Variants in REV3L observed in about 807,000 individuals in gnomAD.
REV3L encodes DNA polymerase zeta catalytic subunit.
REV3L carries 69 observed loss-of-function variants against 299.4 expected under a neutral mutation model. That is an observed-to-expected ratio of 0.23 (90% CI 0.19 to 0.28). The LOEUF is 0.28. Among genes scored for constraint, REV3L ranks in the 10% least tolerant of loss-of-function variants. The pLI is 1.00. For missense variants in REV3L, 3,128 were observed against 3,693.8 expected (o/e 0.85, Z 3.97); for synonymous variants, 1,238 against 1,271.4 (o/e 0.97, Z 0.56).
rs17539763 is a variant in REV3L, at chr6:111,364,671, T to C, written c.6753+594A>G. Among the ~76,000 whole-genome samples the C allele has an allele frequency of 6.4e-3, 967 of 152,040 alleles. 14 individuals carry two copies. Among genetic ancestry groups the C allele is most frequent in the African/African-American group, 0.022 (913 of 41,558 alleles). ...TGTAGTTAATGACATTTATAAGAAG[T>C]GGCCAATATATAAGTGATTTCTAGC... On this transcript the variant is annotated intron_variant, in intron 15 of 31. Coordinates refer to ENST00000368802, the MANE Select transcript of REV3L (RefSeq NM_001372078.1).
At chr6:111,343,438 T>C (rs1023421984) in intron 21 of REV3L, among the ~76,000 whole-genome samples, 12 of 152,238 alleles carry the variant, frequency 7.9e-5, no homozygotes, top group African/African-American at 2.9e-4. Flanking sequence ...GAAGGGAATC[T>C]TCTGGGTGTG....
intron 4 of REV3L, 21 bp downstream of exon 4, chr6:111,405,449 T>A: frequency 6.4e-7 from 1 of 1,569,454 alleles, no homozygotes; most frequent in African/African-American, 1.4e-5. Context: ...AAAATTTAAT[T>A]TGACTGAAAA....
chr6:111,468,078 A>C (rs1583104994), intron 1 of REV3L, among the ~76,000 whole-genome samples: 1 of 152,332 alleles, frequency 6.6e-6, no homozygotes, highest in Non-Finnish European at 1.5e-5. Flanking sequence ...CCCGGTCAAA[A>C]CGACTGATGT....
In REV3L at chr6:111,482,727, C is replaced by T. The variant is rs769797103; in HGVS notation, c.139+23G>A. Reference sequence around the variant, plus strand: ...GGCGCCCCGCCGACTCCCGCTCCCGCCCCGCGCCCGGCGCCCGCTTACCTG... The same window carrying T: ...GGCGCCCCGCCGACTCCCGCTCCCGTCCCGCGCCCGGCGCCCGCTTACCTG... On this transcript the variant is annotated intron_variant, in intron 1 of 31. Coordinates refer to ENST00000368802, the MANE Select transcript of REV3L (RefSeq NM_001372078.1). The T allele has an allele frequency of 1.5e-4, 199 of 1,322,836 alleles. No individual in the cohort carries two copies. In the Middle Eastern group the frequency reaches 1.6e-3, roughly 11 times the overall value. The allele number at this position is 1,322,836 out of a possible 1,614,324, so 81.9% of individuals were successfully genotyped here.
At position 111,359,055 on chromosome 6, in the gene REV3L, T is replaced by C. The variant is rs758905131; in HGVS notation, c.6880-41A>G. ...AATACTATGTTTTTAAAACATTTTT[T>C]AAAGACATGCTCAAAGAAGTATGTA... On this transcript the variant is annotated intron_variant, in intron 16 of 31. Transcript: ENST00000368802. 5.3e-6 allele frequency: 8 copies of C among 1,522,554 alleles called. No individual in the cohort carries two copies. In the South Asian group the frequency reaches 8.5e-5, roughly 16 times the overall value. The allele number at this position is 1,522,554 out of a possible 1,614,324, so 94.3% of individuals were successfully genotyped here.
chr6:111,412,782 C>A (rs76801710), intron 2 of REV3L, among the ~76,000 whole-genome samples: 1,454 of 135,202 alleles, frequency 0.011, 23 homozygotes, highest in African/African-American at 0.033. Flanking sequence ...AAAAAAAAAA[C>A]AACTATTTAC....
chr6:111,375,404 A>T lies in REV3L; in HGVS notation c.2951T>A (p.Phe984Tyr). ...CACAAGCATATTTTTTCTCCCTCTA[A>T]ATCTATTAATAATAATATACTTTAT... Reference protein sequence around the residue: ...VIIKYIIINRFRGRKNMLVKL... With the variant: ...VIIKYIIINRYRGRKNMLVKL... Residue 984 changes from phenylalanine to tyrosine, a missense_variant, in exon 13 of 32, where the codon TTT becomes TAT. Physicochemically the swap from Phe to Tyr is conservative, Grantham distance 22. Transcript: ENST00000368802. 1 of 1,596,758 alleles carries T rather than the reference A, an allele frequency of 6.3e-7. No individual in the cohort carries two copies. The highest frequency in any genetic ancestry group is 8.5e-7 in the Non-Finnish European group (1 of 1,174,704).
chr6:111,382,356 CT>C (rs1339920348), intron 9 of REV3L, among the ~76,000 whole-genome samples: 1 of 152,208 alleles, frequency 6.6e-6, no homozygotes, highest in Non-Finnish European at 1.5e-5. Context: ...CCTCCCATCT[CT>C]CAGGCAGTGG....
intron 25 of REV3L, among the ~76,000 whole-genome samples, chr6:111,325,988 T>G (rs1333254021): frequency 6.6e-6 from 1 of 150,758 alleles, no homozygotes; most frequent in Non-Finnish European, 1.5e-5. Flanking sequence ...TCCTTTATTT[T>G]TTTTAGTTTC....
At chr6:111,435,504 A>G (rs1399721398) in intron 1 of REV3L, among the ~76,000 whole-genome samples, 2 of 152,222 alleles carry the variant, frequency 1.3e-5, no homozygotes, top group African/African-American at 4.8e-5. Context: ...ATATAAATCC[A>G]GACATTAACA....
chr6:111,366,372 A>G (rs1779212832), intron 14 of REV3L, among the ~76,000 whole-genome samples: 1 of 152,186 alleles, frequency 6.6e-6, no homozygotes, highest in Non-Finnish European at 1.5e-5. Context: ...ATCTGTAGTA[A>G]TCCTGTAGAC....
chr6:111,315,529 G>C (rs1773426262), intron 26 of REV3L, 148 bp from the exon 27 acceptor site: 4 of 607,152 alleles, frequency 6.6e-6, no homozygotes, highest in Non-Finnish European at 8.7e-6. Flanking sequence ...TTCTATGTAA[G>C]CTCTCCTGTT....
At chr6:111,366,160 G>A (rs1779177585) in intron 14 of REV3L, among the ~76,000 whole-genome samples, 1 of 152,156 alleles carries the variant, frequency 6.6e-6, no homozygotes, top group African/African-American at 2.4e-5. Flanking sequence ...AAGGCCAGAT[G>A]GGTTTTTATG....
At chr6:111,335,823 A>T (rs1775837301) in intron 21 of REV3L, among the ~76,000 whole-genome samples, 1 of 152,212 alleles carries the variant, frequency 6.6e-6, no homozygotes. Flanking sequence ...GATACACAAA[A>T]TTTAAAATAG....
intron 3 of REV3L, among the ~76,000 whole-genome samples, chr6:111,407,214 T>C (rs574994268): frequency 5.3e-5 from 8 of 152,322 alleles, no homozygotes; most frequent in African/African-American, 1.9e-4. Flanking sequence ...TGGTTTGATA[T>C]ATTGTTTAGA....
chr6:111,356,651 G>C (rs1216376286), intron 18 of REV3L: 1 of 153,530 alleles, frequency 6.5e-6, no homozygotes, highest in Non-Finnish European at 1.4e-5. Flanking sequence ...TGGCTCCCAA[G>C]GTAGAAACCT....
At position 111,397,139 on chromosome 6, in the gene REV3L, A is replaced by G. The variant is rs888417196; in HGVS notation, c.566-4167T>C. ...GTTTAGTTCTACTCTGATCTTTATT[A>G]TTTCTTTTCTTCTTCTAATTTTGGC... is the stretch of plus-strand genomic sequence containing the variant. On this transcript the variant is annotated intron_variant, in intron 4 of 31. Transcript: ENST00000368802. 2.1e-5 allele frequency among the ~76,000 whole-genome samples: 3 copies of G among 143,008 alleles called. No homozygotes were observed. In the East Asian group the frequency reaches 6.2e-4, roughly 30 times the overall value. The allele number at this position is 143,008 out of a possible 152,430, so 93.8% of individuals were successfully genotyped here. A position where few individuals can be genotyped will look rare whatever the true frequency, so the allele number is the denominator to read the frequency against.
intron 1 of REV3L, among the ~76,000 whole-genome samples, chr6:111,446,371 C>G (rs922958969): frequency 1.3e-5 from 2 of 152,042 alleles, no homozygotes; most frequent in East Asian, 3.9e-4. Flanking sequence ...TAGGAACATC[C>G]CAACAAACTG....
At chr6:111,421,105 G>T (rs1785298609) in intron 1 of REV3L, among the ~76,000 whole-genome samples, 1 of 152,118 alleles carries the variant, frequency 6.6e-6, no homozygotes, top group East Asian at 1.9e-4. Flanking sequence ...TCCAGCCTGG[G>T]AGACAGAGCG....
Sources: gnomAD v4.1 joint callset for allele counts (sites outside exome capture counted in the v4.1 genomes callset) on GRCh38, gnomAD v4.1.1 for gene constraint, MANE v1.5 for transcripts, NCBI Gene and HGNC (gene_info 2026-07-23, HGNC 2026-07-21) for gene names.